The following MPP7 variants were observed in gnomAD, a reference collection of about 807,000 sequenced individuals.
MPP7 encodes the protein MAGUK p55 scaffold protein 7.
A neutral mutation model predicts 76.5 loss-of-function variants in MPP7; 60 were observed. That is an observed-to-expected ratio of 0.78 (90% CI 0.64 to 0.97). The LOEUF (loss-of-function observed/expected upper bound fraction) is 0.97, where lower values mean the gene tolerates loss of function less well. Ranked by LOEUF, MPP7 falls within the 50% of genes least tolerant of loss-of-function variation. The probability of loss-of-function intolerance (pLI) is 0.00; values close to 1 mark genes in which losing one functional copy is unlikely to be tolerated. For synonymous variants in MPP7, 237 were observed against 244.5 expected (o/e 0.97, Z 0.29); for missense variants, 641 against 694.0 (o/e 0.92, Z 0.86).
intron 5 of MPP7, among the ~76,000 whole-genome samples, chr10:28,141,136 G>A (rs1236772025): frequency 2.0e-5 from 3 of 151,872 alleles, no homozygotes; most frequent in Admixed American, 2.0e-4. Flanking sequence ...AACTAAAAAA[G>A]TTTCTATGAT....
At chr10:28,240,269 T>G (rs920721437) in intron 1 of MPP7, among the ~76,000 whole-genome samples, 1 of 152,178 alleles carries the variant, frequency 6.6e-6, no homozygotes, top group Admixed American at 6.5e-5. Flanking sequence ...CTGGTTCACA[T>G]CAATTCTGAA....
intron 1 of MPP7, among the ~76,000 whole-genome samples, chr10:28,241,810 TA>T (rs1839279755): frequency 6.6e-6 from 1 of 152,192 alleles, no homozygotes; most frequent in Admixed American, 6.5e-5. Flanking sequence ...TAAAAGGGCT[TA>T]TTTTTGAAAT....
intron 2 of MPP7, among the ~76,000 whole-genome samples, chr10:28,323,272 G>A (rs1013102863): frequency 2.0e-5 from 3 of 151,728 alleles, no homozygotes; most frequent in South Asian, 2.1e-4. Context: ...GTGACAGAGC[G>A]ACACTCCATC....
At chr10:28,056,224 C>G (rs1330627005) in intron 16 of MPP7, among the ~76,000 whole-genome samples, 4 of 151,984 alleles carry the variant, frequency 2.6e-5, no homozygotes, top group Non-Finnish European at 5.9e-5. Context: ...GTAGTGTGAT[C>G]TCAGCTCACT....
rs59550501 is a variant in MPP7 at position 28,057,605 on chromosome 10, CTTTTTTTTTTTTTT to C, written c.1407+876_1407+889del. 421 of 122,624 alleles carry C rather than the reference CTTTTTTTTTTTTTT, an allele frequency of 3.4e-3. 2 individuals are homozygous for C. The highest frequency in any genetic ancestry group is 0.025 in the African/African-American group (375 of 14,828). The allele number at this position is 122,624 out of a possible 1,614,324, so 7.6% of individuals were successfully genotyped here. On this transcript the variant is annotated intron_variant, in intron 15 of 16. Coordinates refer to ENST00000683449, the MANE Select transcript of MPP7 (RefSeq NM_001318170.2). ...GCAGAGCAGTGAGCCAATTAAACCT[CTTTTTTTTTTTTTT>C]TTTTTTTTTTTTTTTTAGTAAATTA...
At chr10:28,203,732 G>T (rs916145652) in intron 2 of MPP7, among the ~76,000 whole-genome samples, 2 of 152,152 alleles carry the variant, frequency 1.3e-5, no homozygotes, top group Admixed American at 6.5e-5. Flanking sequence ...AAGTCAAAAT[G>T]TGAAATTATG....
chr10:28,294,817 T>C (rs1316954645), intron 1 of MPP7, among the ~76,000 whole-genome samples: 1 of 152,202 alleles, frequency 6.6e-6, no homozygotes, highest in Non-Finnish European at 1.5e-5. Flanking sequence ...TGGAGCCCAC[T>C]TACATTCACA....
intron 1 of MPP7, among the ~76,000 whole-genome samples, chr10:28,277,014 G>A (rs1840521227): frequency 6.6e-6 from 1 of 151,788 alleles, no homozygotes; most frequent in Non-Finnish European, 1.5e-5. Context: ...ACAACATAGT[G>A]AGATGCTGCC....
intron 12 of MPP7, among the ~76,000 whole-genome samples, chr10:28,072,206 G>A (rs879551673): frequency 9.9e-5 from 15 of 152,204 alleles, no homozygotes; most frequent in South Asian, 8.3e-4. Flanking sequence ...CCAGGGAGGC[G>A]GAGGTTGCAG....
At chr10:28,180,665 A>C (rs1287808576) in intron 3 of MPP7, among the ~76,000 whole-genome samples, 1 of 152,212 alleles carries the variant, frequency 6.6e-6, no homozygotes, top group South Asian at 2.1e-4. Context: ...TATAACAACG[A>C]AAGTTTATAT....
chr10:28,158,715 T>C (rs1017681874), intron 3 of MPP7, among the ~76,000 whole-genome samples: 1 of 152,212 alleles, frequency 6.6e-6, no homozygotes, highest in African/African-American at 2.4e-5. Flanking sequence ...TGAAAGTAGT[T>C]GGGCTGGAGC....
intron 2 of MPP7, among the ~76,000 whole-genome samples, chr10:28,213,190 A>G (rs1250596449): frequency 6.6e-6 from 1 of 152,020 alleles, no homozygotes; most frequent in African/African-American, 2.4e-5. Context: ...TCCTCCCACC[A>G]TAGCCTTCTG....
intron 3 of MPP7, among the ~76,000 whole-genome samples, chr10:28,186,027 C>T (rs995729457): frequency 2.0e-5 from 3 of 152,136 alleles, no homozygotes; most frequent in Non-Finnish European, 4.4e-5. Context: ...CTCTGATAGT[C>T]ACTTTCATGC....
Position 28,052,383 on chromosome 10 carries a change from G to A in MPP7, c.*1682C>T, listed in dbSNP as rs1851392242. 6.6e-6 allele frequency: 1 copy of A among 152,114 alleles called. No individual in the cohort carries two copies. Among genetic ancestry groups the A allele is most frequent in the African/African-American group, 2.4e-5 (1 of 41,436 alleles). The allele number at this position is 152,114 out of a possible 1,614,324, so 9.4% of individuals were successfully genotyped here. A position where few individuals can be genotyped will look rare whatever the true frequency, so the allele number is the denominator to read the frequency against. ...TTAATACACTTAGAACTCACTGTCT[G>A]GATCACGTTGTTATATAATACTTAG... On this transcript the variant is annotated 3_prime_UTR_variant, in exon 17 of 17. Transcript: ENST00000683449.
chr10:28,326,322 GAGA>G (rs1834415010), intron 2 of MPP7, among the ~76,000 whole-genome samples: 1 of 152,192 alleles, frequency 6.6e-6, no homozygotes, highest in African/African-American at 2.4e-5. Context: ...TCATCTTGCA[GAGA>G]AGGGCTGCTA....
At chr10:28,251,255 A>T (rs763493784) in intron 1 of MPP7, among the ~76,000 whole-genome samples, 23 of 152,210 alleles carry the variant, frequency 1.5e-4, no homozygotes, top group Non-Finnish European at 2.9e-4. Context: ...ACTTGAGGTC[A>T]GGAGTTTGAG....
chr10:28,300,698 T>C (rs906591080), intron 1 of MPP7, among the ~76,000 whole-genome samples: 23 of 151,930 alleles, frequency 1.5e-4, no homozygotes, highest in African/African-American at 5.6e-4. Context: ...ACGCCTGTAA[T>C]CCCAGCACTT....
intron 15 of MPP7, among the ~76,000 whole-genome samples, chr10:28,057,109 G>C (rs186065002): frequency 3.9e-4 from 59 of 152,206 alleles, no homozygotes; most frequent in Admixed American, 3.5e-3. Flanking sequence ...TACTTCTGGG[G>C]ACCTATCTAC....
upstream of MPP7, among the ~76,000 whole-genome samples, chr10:28,304,017 C>CAA (rs146934440): frequency 2.0e-5 from 3 of 148,588 alleles, no homozygotes; most frequent in African/African-American, 7.4e-5. Flanking sequence ...AAGCAGAAGA[C>CAA]AAAAAAAAAT....
Sources: gnomAD v4.1 joint callset for allele counts (sites outside exome capture counted in the v4.1 genomes callset) on GRCh38, gnomAD v4.1.1 for gene constraint, MANE v1.5 for transcripts, NCBI Gene and HGNC (gene_info 2026-07-23, HGNC 2026-07-21) for gene names.